PDZD2: variants seen among roughly 807,000 people sequenced by gnomAD.
The protein encoded by PDZD2 is PDZ domain-containing protein 2.
In PDZD2, 90 loss-of-function variants were observed where a neutral mutation model predicts 220.7. That is an observed-to-expected ratio of 0.41 (90% CI 0.34 to 0.49). PDZD2 has a LOEUF of 0.49. Ranked by LOEUF, PDZD2 falls within the 20% of genes least tolerant of loss-of-function variation. The pLI is 0.28. For synonymous variants in PDZD2, 1,375 were observed against 1,450.5 expected (o/e 0.95, Z 1.18); for missense variants, 3,174 against 3,608.5 (o/e 0.88, Z 3.08).
intron 1 of PDZD2, among the ~76,000 whole-genome samples, chr5:31,697,831 C>T (rs116761255): frequency 0.011 from 1,608 of 152,218 alleles, 19 homozygotes; most frequent in African/African-American, 0.037. Context: ...AGTGGCTGAG[C>T]GCCTCTGGGC....
At chr5:31,995,320 A>G (rs1019357425) in intron 3 of PDZD2, among the ~76,000 whole-genome samples, 7 of 152,222 alleles carry the variant, frequency 4.6e-5, no homozygotes, top group Non-Finnish European at 1.0e-4. Context: ...CAAGCACTCA[A>G]TAGCCACCTG....
chr5:31,885,996 T>C (rs937437234), intron 2 of PDZD2, among the ~76,000 whole-genome samples: 10 of 151,988 alleles, frequency 6.6e-5, no homozygotes, highest in Admixed American at 3.3e-4. Context: ...GCCTCCCGGG[T>C]TCAAGTGATT....
At chr5:31,977,529 A>C (rs2111831172) in intron 2 of PDZD2, among the ~76,000 whole-genome samples, 1 of 152,258 alleles carries the variant, frequency 6.6e-6, no homozygotes, top group East Asian at 1.9e-4. Flanking sequence ...ACCTCTTCCC[A>C]GGACTCCCAC....
At chr5:32,107,739 T>TTATC (rs889869005) in intron 24 of PDZD2, among the ~76,000 whole-genome samples, 16 of 152,226 alleles carry the variant, frequency 1.1e-4, no homozygotes, top group African/African-American at 2.9e-4. Flanking sequence ...CAGTTTATTT[T>TTATC]TATCTTACAG....
chr5:31,693,929 G>A (rs1175956503), intron 1 of PDZD2, among the ~76,000 whole-genome samples: 1 of 152,160 alleles, frequency 6.6e-6, no homozygotes, highest in Non-Finnish European at 1.5e-5. Context: ...CTGCTTCCCA[G>A]GCTGAGGAGG....
intron 7 of PDZD2, among the ~76,000 whole-genome samples, chr5:32,039,680 C>T (rs1276663571): frequency 6.7e-5 from 10 of 148,518 alleles, no homozygotes; most frequent in South Asian, 4.3e-4. Context: ...GGCCGCCCAT[C>T]GTCTGGGATG....
intron 1 of PDZD2, among the ~76,000 whole-genome samples, chr5:31,777,320 A>T (rs1447351139): frequency 1.3e-5 from 2 of 152,162 alleles, no homozygotes; most frequent in Non-Finnish European, 2.9e-5. Flanking sequence ...AATTCTCGCC[A>T]GGCCTCAGCC....
intron 1 of PDZD2, among the ~76,000 whole-genome samples, chr5:31,760,214 C>CA (rs1354014668): frequency 7.1e-6 from 1 of 139,926 alleles, no homozygotes; most frequent in Non-Finnish European, 1.6e-5. Context: ...ATTTACTGAG[C>CA]ATCTACAGGG....
At chr5:32,011,802 C>T (rs1376985175) in intron 6 of PDZD2, among the ~76,000 whole-genome samples, 2 of 152,142 alleles carry the variant, frequency 1.3e-5, no homozygotes, top group African/African-American at 4.8e-5. Context: ...TTTCGTCTTC[C>T]TTTTTGTTCC....
rs188119108 is a variant in PDZD2 at position 31,725,198 on chromosome 5, C to T, written c.-360-73691C>T. Among the ~76,000 whole-genome samples, 889 of 152,014 alleles carry T rather than the reference C, an allele frequency of 5.8e-3. 7 individuals carry two copies. The highest frequency in any genetic ancestry group is 7.6e-3 in the Admixed American group (116 of 15,256). ...ATACAACAAAAAAAAATTAGCCAGG[C>T]GTGGTGGCACACGCCTGTAATCCCA... On this transcript the variant is annotated intron_variant, in intron 1 of 24. Coordinates refer to ENST00000438447, the MANE Select transcript of PDZD2 (RefSeq NM_178140.4).
At chr5:32,004,158 G>A (rs561346315) in intron 5 of PDZD2, among the ~76,000 whole-genome samples, 1 of 152,232 alleles carries the variant, frequency 6.6e-6, no homozygotes, top group South Asian at 2.1e-4. Flanking sequence ...TGAAAACTTG[G>A]AAAACTGGTT....
At chr5:31,894,218 A>G (rs1741329442) in intron 2 of PDZD2, among the ~76,000 whole-genome samples, 1 of 151,904 alleles carries the variant, frequency 6.6e-6, no homozygotes, top group African/African-American at 2.4e-5. Context: ...CGGCCAGCAC[A>G]TTGCATTTTA....
chr5:31,795,360 T>G (rs1753965800), intron 1 of PDZD2, among the ~76,000 whole-genome samples: 2 of 152,210 alleles, frequency 1.3e-5, no homozygotes, highest in Admixed American at 6.5e-5. Context: ...GTAAATTATC[T>G]CAGTAACAGA....
chr5:32,048,209 A>T (rs1738163103), intron 7 of PDZD2, among the ~76,000 whole-genome samples: 1 of 152,272 alleles, frequency 6.6e-6, no homozygotes, highest in Non-Finnish European at 1.5e-5. Context: ...CTCCATCATC[A>T]GGAAAAATTC....
At chr5:32,029,050 A>G (rs991551915) in intron 6 of PDZD2, among the ~76,000 whole-genome samples, 1 of 152,162 alleles carries the variant, frequency 6.6e-6, no homozygotes, top group Admixed American at 6.6e-5. Flanking sequence ...TGTGTTTTTC[A>G]GCATCTGCAG....
intron 2 of PDZD2, among the ~76,000 whole-genome samples, chr5:31,870,888 CAAA>C (rs71614289): frequency 1.1e-4 from 7 of 64,462 alleles, no homozygotes; most frequent in African/African-American, 1.5e-4. Context: ...GACTCTGTCT[CAAA>C]AAAAAAAAAA....
At chr5:32,081,261 CCT>C (rs1373941866) in intron 19 of PDZD2, among the ~76,000 whole-genome samples, 4 of 152,052 alleles carry the variant, frequency 2.6e-5, no homozygotes, top group Non-Finnish European at 5.9e-5. Flanking sequence ...TCTGCCTTGC[CCT>C]CTCTGGATTT....
intron 1 of PDZD2, among the ~76,000 whole-genome samples, chr5:31,673,781 G>A (rs1746300880): frequency 6.6e-6 from 1 of 152,222 alleles, no homozygotes; most frequent in South Asian, 2.1e-4. Context: ...GACCAGCCTG[G>A]CCAACATGGT....
At chr5:31,885,235 A>ATT (rs113324473) in intron 2 of PDZD2, among the ~76,000 whole-genome samples, 28 of 146,438 alleles carry the variant, frequency 1.9e-4, no homozygotes, top group African/African-American at 7.0e-4. Context: ...AAGCAGTGGG[A>ATT]TTTTTTTTTT....
Sources: allele counts gnomAD v4.1 joint callset (sites outside exome capture counted in the v4.1 genomes callset), GRCh38; gene constraint gnomAD v4.1.1; transcripts MANE v1.5; gene names NCBI Gene and HGNC (gene_info 2026-07-23, HGNC 2026-07-21).